Variants in HCN1 observed in about 807,000 individuals in gnomAD.
HCN1 encodes the protein potassium/sodium hyperpolarization-activated cyclic nucleotide-gated channel 1.
In HCN1, 13 loss-of-function variants were observed where a neutral mutation model predicts 78.9. The observed-to-expected ratio is 0.16, with a 90% CI of 0.11 to 0.26. The LOEUF is 0.26. Among genes scored for constraint, HCN1 ranks in the 10% least tolerant of loss-of-function variants. The pLI is 1.00. For synonymous variants in HCN1, 552 were observed against 455.5 expected (o/e 1.21, Z -2.70); for missense variants, 810 against 1,154.3 (o/e 0.70, Z 4.32).
chr5:45,411,202 G>A (rs1224311377), intron 3 of HCN1, among the ~76,000 whole-genome samples: 1 of 152,012 alleles, frequency 6.6e-6, no homozygotes, highest in African/African-American at 2.4e-5. Flanking sequence ...GAGAGACTGA[G>A]AGATACAGAT....
chr5:45,653,370 G>T (rs1261260268), intron 1 of HCN1, among the ~76,000 whole-genome samples: 2 of 151,962 alleles, frequency 1.3e-5, no homozygotes, highest in Admixed American at 6.6e-5. Flanking sequence ...ATCTACTACT[G>T]AACAGTGAAT....
intron 1 of HCN1, among the ~76,000 whole-genome samples, chr5:45,646,305 C>T (rs1472359800): frequency 6.6e-6 from 1 of 151,254 alleles, no homozygotes; most frequent in Non-Finnish European, 1.5e-5. Context: ...TATTACTACT[C>T]TATTGAACAA....
chr5:45,386,446 A>G (rs1245709709), intron 4 of HCN1, among the ~76,000 whole-genome samples: 4 of 152,048 alleles, frequency 2.6e-5, no homozygotes, highest in Non-Finnish European at 4.4e-5. Flanking sequence ...CCCAAAGTGC[A>G]GGGATTACAG....
chr5:45,307,195 C>T (rs1374446942), intron 5 of HCN1, among the ~76,000 whole-genome samples: 1 of 152,070 alleles, frequency 6.6e-6, no homozygotes, highest in Non-Finnish European at 1.5e-5. Flanking sequence ...ACCAAGATCA[C>T]ATACAAATCT....
At chr5:45,687,846 G>T (rs915736380) in intron 1 of HCN1, among the ~76,000 whole-genome samples, 2 of 152,116 alleles carry the variant, frequency 1.3e-5, no homozygotes, top group African/African-American at 4.8e-5. Context: ...TTTATCTGAA[G>T]ACTTTGAAAT....
intron 2 of HCN1, among the ~76,000 whole-genome samples, chr5:45,561,090 T>A (rs1429764502): frequency 6.6e-6 from 1 of 152,118 alleles, no homozygotes; most frequent in African/African-American, 2.4e-5. Context: ...TGAAATGTCA[T>A]GCCTTCTTAA....
intron 2 of HCN1, among the ~76,000 whole-genome samples, chr5:45,640,899 A>G (rs1437132233): frequency 2.0e-5 from 3 of 151,794 alleles, no homozygotes; most frequent in East Asian, 3.9e-4. Context: ...GAGATGTAGC[A>G]GGAATAAAAT....
intron 3 of HCN1, among the ~76,000 whole-genome samples, chr5:45,404,685 G>A (rs1342147417): frequency 4.7e-5 from 5 of 107,406 alleles, no homozygotes; most frequent in African/African-American, 1.8e-4. Context: ...AGGATGAAGG[G>A]CTATTTGCAA....
At chr5:45,500,352 A>G (rs891184506) in intron 2 of HCN1, among the ~76,000 whole-genome samples, 4 of 152,158 alleles carry the variant, frequency 2.6e-5, no homozygotes, top group African/African-American at 9.7e-5. Context: ...TTCATTTGGA[A>G]TAATTTTCCA....
chr5:45,408,704 C>T (rs1455986955), intron 3 of HCN1, among the ~76,000 whole-genome samples: 1 of 152,140 alleles, frequency 6.6e-6, no homozygotes, highest in Non-Finnish European at 1.5e-5. Flanking sequence ...AGCAGCTTTA[C>T]AATGATCATT....
chr5:45,550,168 A>C (rs1743335348), intron 2 of HCN1, among the ~76,000 whole-genome samples: 1 of 152,178 alleles, frequency 6.6e-6, no homozygotes, highest in East Asian at 1.9e-4. Context: ...AAGGATTATA[A>C]ATCATGCTAC....
chr5:45,509,988 C>T (rs1196193989), intron 2 of HCN1, among the ~76,000 whole-genome samples: 1 of 152,106 alleles, frequency 6.6e-6, no homozygotes, highest in Non-Finnish European at 1.5e-5. Flanking sequence ...AAATTATCCT[C>T]TCTCAAATGG....
intron 3 of HCN1, among the ~76,000 whole-genome samples, chr5:45,440,369 T>C (rs1160225793): frequency 2.6e-5 from 4 of 152,152 alleles, no homozygotes; most frequent in Non-Finnish European, 5.9e-5. Context: ...GAGTGAATAA[T>C]TTCCCCCCTA....
intron 2 of HCN1, among the ~76,000 whole-genome samples, chr5:45,552,887 G>A (rs567569621): frequency 7.2e-5 from 11 of 151,982 alleles, no homozygotes; most frequent in Middle Eastern, 3.4e-3. Flanking sequence ...CTGGGAATAC[G>A]AAATCTTTTA....
chr5:45,674,770 T>C (rs1746232267), intron 1 of HCN1, among the ~76,000 whole-genome samples: 1 of 151,686 alleles, frequency 6.6e-6, no homozygotes, highest in Non-Finnish European at 1.5e-5. Flanking sequence ...ATAGAATAAA[T>C]GCATTTTCAA....
At chr5:45,320,599 A>C (rs1192909808) in intron 5 of HCN1, among the ~76,000 whole-genome samples, 1 of 151,818 alleles carries the variant, frequency 6.6e-6, no homozygotes, top group Non-Finnish European at 1.5e-5. Flanking sequence ...ATGGTATCCC[A>C]GGGCAGCCTG....
intron 2 of HCN1, among the ~76,000 whole-genome samples, chr5:45,588,048 T>C (rs957777047): frequency 5.9e-5 from 9 of 152,164 alleles, no homozygotes; most frequent in African/African-American, 1.9e-4. Flanking sequence ...ATCTTCAGAA[T>C]TGTGAGAGAT....
intron 2 of HCN1, among the ~76,000 whole-genome samples, chr5:45,640,632 T>C (rs1345021241): frequency 1.3e-5 from 2 of 150,706 alleles, no homozygotes; most frequent in East Asian, 3.9e-4. Context: ...TGGAGTGCAA[T>C]GGCATGATCT....
At chr5:45,339,818 T>C (rs1431129252) in intron 5 of HCN1, among the ~76,000 whole-genome samples, 1 of 152,228 alleles carries the variant, frequency 6.6e-6, no homozygotes, top group Non-Finnish European at 1.5e-5. Flanking sequence ...AAAAGGTTTG[T>C]CAGAGGATGC....
Sources: gnomAD v4.1 joint callset for allele counts (sites outside exome capture counted in the v4.1 genomes callset) on GRCh38, gnomAD v4.1.1 for gene constraint, MANE v1.5 for transcripts, NCBI Gene and HGNC (gene_info 2026-07-23, HGNC 2026-07-21) for gene names.